The following LGR6 variants were observed in gnomAD, a reference collection of about 807,000 sequenced individuals.
LGR6 encodes the protein leucine-rich repeat-containing G protein-coupled receptor 6.
Under a neutral mutation model 69.4 loss-of-function variants are expected in LGR6, and 45 were observed. That is an observed-to-expected ratio of 0.65 (90% CI 0.51 to 0.83). LGR6 has a LOEUF of 0.83. LGR6 is among the 40% of genes least tolerant of loss of function. LGR6 has a pLI of 0.00. For synonymous variants in LGR6, 538 were observed against 555.0 expected, an observed-to-expected ratio of 0.97 and a Z score of 0.43; for missense variants, 1,108 against 1,246.7, an observed-to-expected ratio of 0.89 and a Z score of 1.68.
intron 4 of LGR6, among the ~76,000 whole-genome samples, chr1:202,239,344 G>GGTGTGTGT (rs36157781): frequency 1.0e-3 from 148 of 144,246 alleles, no homozygotes; most frequent in Middle Eastern, 6.9e-3. Context: ...GTGTGTGTGT[G>GGTGTGTGT]GTGTGTGTGT....
chr1:202,287,545 C>A (rs1412688056), intron 6 of LGR6, among the ~76,000 whole-genome samples: 1 of 152,192 alleles, frequency 6.6e-6, no homozygotes, highest in Non-Finnish European at 1.5e-5. Flanking sequence ...CAAAGGCCTT[C>A]TTAACATGCT....
chr1:202,266,807 C>T (rs560136128), intron 4 of LGR6, among the ~76,000 whole-genome samples: 1 of 152,226 alleles, frequency 6.6e-6, no homozygotes, highest in South Asian at 2.1e-4. Flanking sequence ...GTCCTACCTC[C>T]GTGGCTGAAG....
intron 6 of LGR6, among the ~76,000 whole-genome samples, chr1:202,292,905 T>C (rs1050442103): frequency 3.9e-5 from 6 of 152,230 alleles, no homozygotes; most frequent in African/African-American, 1.2e-4. Context: ...AGTGCAGCTA[T>C]GGAGAAAAGA....
chr1:202,258,737 T>A (rs560736442), intron 4 of LGR6, among the ~76,000 whole-genome samples: 1 of 152,082 alleles, frequency 6.6e-6, no homozygotes, highest in Non-Finnish European at 1.5e-5. Context: ...TCATTGATTC[T>A]CTTGGAATTT....
intron 3 of LGR6, among the ~76,000 whole-genome samples, chr1:202,231,342 T>C (rs1661048506): frequency 6.6e-6 from 1 of 152,176 alleles, no homozygotes; most frequent in South Asian, 2.1e-4. Context: ...TGCTGGTCAT[T>C]TGGGAGTGCT....
intron 6 of LGR6, among the ~76,000 whole-genome samples, chr1:202,293,681 T>C (rs1571981235): frequency 1.3e-5 from 2 of 152,238 alleles, no homozygotes; most frequent in African/African-American, 4.8e-5. Context: ...TGGTACTATA[T>C]GAAGCAGGAC....
chr1:202,266,536 T>C (rs980122866), intron 4 of LGR6, among the ~76,000 whole-genome samples: 2 of 146,780 alleles, frequency 1.4e-5, no homozygotes, highest in East Asian at 4.1e-4. Flanking sequence ...AAAGTTCAGA[T>C]CCATAAAGCC....
At chr1:202,234,148 C>A (rs1661322989) in intron 3 of LGR6, among the ~76,000 whole-genome samples, 1 of 152,252 alleles carries the variant, frequency 6.6e-6, no homozygotes, top group Admixed American at 6.5e-5. Flanking sequence ...TGGAAAGGGG[C>A]TGAGCCCTCC....
chr1:202,234,366 G>C (rs913129222), intron 3 of LGR6, among the ~76,000 whole-genome samples: 1 of 152,202 alleles, frequency 6.6e-6, no homozygotes, highest in African/African-American at 2.4e-5. Context: ...AGTGAGATCA[G>C]CATTCTTTTG....
At chr1:202,222,110 C>A (rs564036665) in intron 1 of LGR6, among the ~76,000 whole-genome samples, 4 of 152,224 alleles carry the variant, frequency 2.6e-5, no homozygotes, top group Admixed American at 2.0e-4. Context: ...TGGTGGCTCT[C>A]GGCCTTGAAA....
At chr1:202,195,428 G>A (rs1658603789) in intron 1 of LGR6, among the ~76,000 whole-genome samples, 1 of 152,226 alleles carries the variant, frequency 6.6e-6, no homozygotes, top group African/African-American at 2.4e-5. Flanking sequence ...CCCAGGTTGG[G>A]ATGTCCCCCT....
intron 16 of LGR6, among the ~76,000 whole-genome samples, chr1:202,314,008 T>C (rs1281330912): frequency 6.6e-6 from 1 of 152,192 alleles, no homozygotes; most frequent in East Asian, 1.9e-4. Context: ...AGTGCCAGAA[T>C]TGCACTCAGC....
intron 1 of LGR6, among the ~76,000 whole-genome samples, chr1:202,216,700 C>T (rs1470246933): frequency 1.3e-5 from 2 of 152,202 alleles, no homozygotes; most frequent in African/African-American, 4.8e-5. Flanking sequence ...TCTGCTCTGT[C>T]ATACTCCTGG....
At position 202,287,788 on chromosome 1, in the gene LGR6, G is replaced by A. The variant is rs181448122; in HGVS notation, c.716+6936G>A. The stretch of plus-strand genomic sequence containing the variant: ...CCAACTATATTAAGAATCTGACCAC[G>A]TCTCACCCCTTCCACTGCTACCACG... On this transcript the variant is annotated intron_variant, in intron 6 of 17. Coordinates refer to ENST00000367278, the MANE Select transcript of LGR6 (RefSeq NM_001017403.2). 2.1e-3 allele frequency among the ~76,000 whole-genome samples: 317 copies of A among 152,206 alleles called. 1 individual carries two copies. The highest frequency in any genetic ancestry group is 7.4e-3 in the African/African-American group (308 of 41,540).
At chr1:202,291,453 C>A (rs534031211) in intron 6 of LGR6, among the ~76,000 whole-genome samples, 4 of 152,338 alleles carry the variant, frequency 2.6e-5, no homozygotes, top group South Asian at 2.1e-4. Context: ...ATGAAGCAGC[C>A]AGCTACCAAG....
intron 12 of LGR6, among the ~76,000 whole-genome samples, 172 bp downstream of exon 12, chr1:202,305,921 C>A (rs1653142693): frequency 1.3e-5 from 2 of 152,144 alleles, no homozygotes. Flanking sequence ...TTGGCAGAGG[C>A]CTGCACAATG....
At position 202,306,869 on chromosome 1, in the gene LGR6, G is replaced by A. The variant is rs749561758; in HGVS notation, c.1138G>A (p.Gly380Ser). The A allele has an allele frequency of 2.1e-5, 34 of 1,613,866 alleles. No individual in the cohort carries two copies. The highest frequency in any genetic ancestry group is 2.8e-5 in the Non-Finnish European group (33 of 1,179,958). The change falls in exon 13 of 18, where the codon GGC becomes AGC. Residue 380 changes from glycine (G) to serine (S), a missense_variant and splice_region_variant. Transcript: ENST00000367278. ...ATCCAGCCTCTCTTGCTGCCCTAGCGGCCTCCAACACAACCGCATCTGGGA... is the reference window on the plus strand; with the variant it reads ...ATCCAGCCTCTCTTGCTGCCCTAGCAGCCTCCAACACAACCGCATCTGGGA... The part of the protein sequence containing the change: ...LHRCQKLEEI[G>S]LQHNRIWEIG...
chr1:202,232,809 G>A (rs1179235288), intron 3 of LGR6, among the ~76,000 whole-genome samples: 1 of 152,190 alleles, frequency 6.6e-6, no homozygotes, highest in Admixed American at 6.5e-5. Context: ...CGAGAGACAG[G>A]ACTTGAGTCC....
intron 2 of LGR6, 54 bp from the exon 3 acceptor site, chr1:202,227,882 A>T (rs1405350589): frequency 3.9e-6 from 5 of 1,276,726 alleles, no homozygotes; most frequent in Non-Finnish European, 5.7e-6. Context: ...TATGGAGGTC[A>T]CCACCTCCTT....
Sources: allele counts gnomAD v4.1 joint callset (sites outside exome capture counted in the v4.1 genomes callset), GRCh38; gene constraint gnomAD v4.1.1; transcripts MANE v1.5; gene names NCBI Gene and HGNC (gene_info 2026-07-23, HGNC 2026-07-21).